PABPN1L: variants seen among roughly 807,000 people sequenced by gnomAD.
The protein encoded by PABPN1L is PABPN1 like, cytoplasmic.
Under a neutral mutation model 34.0 loss-of-function variants are expected in PABPN1L, and 45 were observed. The observed-to-expected ratio is 1.32, with a 90% CI of 1.04 to 1.70. PABPN1L has a LOEUF of 1.70. Among genes scored for constraint, PABPN1L ranks in the 40% most tolerant of loss-of-function variants. The probability of loss-of-function intolerance (pLI) is 0.00; values close to 1 mark genes in which losing one functional copy is unlikely to be tolerated. For synonymous variants in PABPN1L, 182 were observed against 152.1 expected, an observed-to-expected ratio of 1.20 and a Z score of -1.45; for missense variants, 459 against 367.8, an observed-to-expected ratio of 1.25 and a Z score of -2.03.
At chr16:88,868,467 A>G (rs8062829), upstream of PABPN1L, among the ~76,000 whole-genome samples, 17,742 of 152,146 alleles carry the variant, frequency 0.12, 2,787 homozygotes, top group African/African-American at 0.36. Context: ...TTAGCCAGGC[A>G]TGGTGGCGGG....
chr16:88,866,231 G>A (rs1287299644), intron 1 of PABPN1L, 121 bp downstream of exon 1: 23 of 1,410,242 alleles, frequency 1.6e-5, no homozygotes, highest in East Asian at 2.5e-5. Context: ...CCAGGCAGGT[G>A]GGCAATGGCC....
chr16:88,865,001 C>T, intron 4 of PABPN1L, 21 bp downstream of exon 4: 5 of 1,597,650 alleles, frequency 3.1e-6, no homozygotes, highest in Non-Finnish European at 3.4e-6. Context: ...GGCCAGTGCC[C>T]CCACCAGGCC....
At chr16:88,864,967 G>C in intron 4 of PABPN1L, 27 bp from the exon 5 acceptor site, 1 of 1,604,196 alleles carries the variant, frequency 6.2e-7, no homozygotes, top group Non-Finnish European at 8.5e-7. Flanking sequence ...GGAGGGGAGG[G>C]GTGAGGCTGG....
exon 4 of PABPN1L, chr16:88,865,073 T>G: frequency 6.3e-7 from 1 of 1,595,060 alleles, no homozygotes; most frequent in Non-Finnish European, 8.5e-7. Context: ...TCGGTGGACC[T>G]CCCCACAGCG....
chr16:88,867,617 G>A (rs572869371), upstream of PABPN1L, among the ~76,000 whole-genome samples: 5 of 151,810 alleles, frequency 3.3e-5, no homozygotes, highest in Admixed American at 2.6e-4. Flanking sequence ...GACGGCGTGA[G>A]TTATTGTGGG....
At chr16:88,869,511 C>G (rs913069681), upstream of PABPN1L, among the ~76,000 whole-genome samples, 1 of 152,224 alleles carries the variant, frequency 6.6e-6, no homozygotes, top group Non-Finnish European at 1.5e-5. Flanking sequence ...CCTTAGAAAC[C>G]AAAGCTCCTC....
exon 7 of PABPN1L, chr16:88,863,605 C>A (rs1314175429): frequency 6.9e-6 from 7 of 1,008,832 alleles, no homozygotes; most frequent in Non-Finnish European, 9.0e-6. Context: ...CTGGGCCATC[C>A]CCCCGCCAAG....
chr16:88,866,130 G>A (rs1416435815), intron 1 of PABPN1L, among the ~76,000 whole-genome samples, 189 bp from the exon 2 acceptor site: 2 of 152,204 alleles, frequency 1.3e-5, no homozygotes, highest in Non-Finnish European at 2.9e-5. Context: ...CCCCGAAACC[G>A]CACCTCAAGG....
At chr16:88,868,419 A>G (rs1195271188), upstream of PABPN1L, among the ~76,000 whole-genome samples, 1 of 152,162 alleles carries the variant, frequency 6.6e-6, no homozygotes, top group Non-Finnish European at 1.5e-5. Flanking sequence ...CCTGGCCAAC[A>G]TGGTGAAACC....
intron 2 of PABPN1L, 39 bp from the exon 3 acceptor site, chr16:88,865,669 C>T (rs1379849799): frequency 1.3e-6 from 2 of 1,576,830 alleles, no homozygotes; most frequent in East Asian, 4.5e-5. Context: ...GCCCTTGGTT[C>T]CTTCCTCACT....
At position 88,865,464 on chromosome 16, in the gene PABPN1L, T is replaced by C; in HGVS notation, c.459+99A>G. 2.0e-6 allele frequency: 3 copies of C among 1,466,860 alleles called. No individual in the cohort carries two copies. The South Asian group carries it at 3.7e-5, about 18-fold the overall frequency. 90.9% of individuals were successfully genotyped at this position (1,466,860 alleles called of 1,614,324 possible). A position where few individuals can be genotyped will look rare whatever the true frequency, so the allele number is the denominator to read the frequency against. On this transcript the variant is annotated intron_variant, in intron 3 of 6. Coordinates refer to ENST00000419291, the Ensembl canonical transcript of PABPN1L. ...GGGCTGCCCCCAGGGTCAGACCCCCTTCCCAGCAAGGCTGCCTGGCCCATG... is the reference window on the plus strand; with the variant it reads ...GGGCTGCCCCCAGGGTCAGACCCCCCTCCCAGCAAGGCTGCCTGGCCCATG...
rs1199274234 is a variant in PABPN1L at position 88,865,787 on chromosome 16, C to T, written c.391+19G>A. On this transcript the variant is annotated intron_variant, in intron 2 of 6. Coordinates refer to ENST00000419291, the Ensembl canonical transcript of PABPN1L. ...GGACCCTTGCTCAGTGGGGGGCGGCCTGTGCCCTTGGTTCCTACCCACGGT... is the reference window on the plus strand; with the variant it reads ...GGACCCTTGCTCAGTGGGGGGCGGCTTGTGCCCTTGGTTCCTACCCACGGT... The T allele has an allele frequency of 6.3e-7, 1 of 1,594,734 alleles. No individual in the cohort carries two copies. Among genetic ancestry groups the T allele is most frequent in the Non-Finnish European group, 8.5e-7 (1 of 1,170,458 alleles).
At chr16:88,866,582 G>T in exon 1 of PABPN1L, 1 of 1,553,080 alleles carries the variant, frequency 6.4e-7, no homozygotes, top group Non-Finnish European at 8.7e-7. Context: ...GGTGGGAAGA[G>T]AGAGCGGCTC....
At chr16:88,863,744 C>T (rs573195072) in exon 7 of PABPN1L, 70 of 1,536,032 alleles carry the variant, frequency 4.6e-5, no homozygotes, top group Non-Finnish European at 4.9e-5. Context: ...CTCTCAAAAT[C>T]GGGTCTTCCC....
chr16:88,865,794 C>T lies in PABPN1L; in HGVS notation c.391+12G>A, dbSNP rs1011362656. 1.3e-6 allele frequency: 2 copies of T among 1,598,944 alleles called. No individual in the cohort carries two copies. The highest frequency in any genetic ancestry group is 8.5e-7 in the Non-Finnish European group (1 of 1,172,826). The stretch of plus-strand genomic sequence containing the variant: ...TGCTCAGTGGGGGGCGGCCTGTGCC[C>T]TTGGTTCCTACCCACGGTCTCAGGG... On this transcript the variant is annotated intron_variant, in intron 2 of 6. Coordinates refer to ENST00000419291, the Ensembl canonical transcript of PABPN1L.
Position 88,864,077 on chromosome 16 carries a change from C to T in PABPN1L, c.797+160G>A, listed in dbSNP as rs371656843. 3.1e-3 allele frequency among the ~76,000 whole-genome samples: 433 copies of T among 139,928 alleles called. 1 individual carries two copies. Among genetic ancestry groups the T allele is most frequent in the African/African-American group, 0.013 (406 of 30,222 alleles). The allele number at this position is 139,928 out of a possible 152,430, so 91.8% of individuals were successfully genotyped here. A position where few individuals can be genotyped will look rare whatever the true frequency, so the allele number is the denominator to read the frequency against. On this transcript the variant is annotated intron_variant, in intron 6 of 6. Coordinates refer to ENST00000419291, the Ensembl canonical transcript of PABPN1L. ...CCCAGCAGAGAGGCTACAAAAAGCG[C>T]CCCCCCCACCAGCTGATGCAGCAGC...
exon 7 of PABPN1L, chr16:88,863,603 T>TC (rs909499356): frequency 1.0e-6 from 1 of 977,230 alleles, no homozygotes. Flanking sequence ...TACTGGGCCA[T>TC]CCCCCCGCCA....
At chr16:88,864,925 C>T (rs771029822) in exon 5 of PABPN1L, 8 of 1,470,956 alleles carry the variant, frequency 5.4e-6, no homozygotes, top group Middle Eastern at 3.8e-4. Flanking sequence ...TGGTGGCAAA[C>T]TCTATGTAGG....
At chr16:88,864,207 C>A in intron 6 of PABPN1L, 30 bp downstream of exon 6, 1 of 1,504,900 alleles carries the variant, frequency 6.6e-7, no homozygotes, top group Non-Finnish European at 8.9e-7. Flanking sequence ...GGCCCTCGCC[C>A]CCAGGCTGCC....
Sources: gnomAD v4.1 joint callset for allele counts (sites outside exome capture counted in the v4.1 genomes callset) on GRCh38, gnomAD v4.1.1 for gene constraint, MANE v1.5 for transcripts, NCBI Gene and HGNC (gene_info 2026-07-23, HGNC 2026-07-21) for gene names.